CMSS1: variants seen among roughly 807,000 people sequenced by gnomAD.
CMSS1 encodes protein CMSS1.
Under a neutral mutation model 43.5 loss-of-function variants are expected in CMSS1, and 33 were observed. That is an observed-to-expected ratio of 0.76 (90% CI 0.57 to 1.01). The LOEUF (loss-of-function observed/expected upper bound fraction) is 1.01. Among genes scored for constraint, CMSS1 ranks in the 50% least tolerant of loss-of-function variants. The probability of loss-of-function intolerance (pLI) is 0.00; values close to 1 mark genes in which losing one functional copy is unlikely to be tolerated. For missense variants in CMSS1, 313 were observed against 326.4 expected, an observed-to-expected ratio of 0.96 and a Z score of 0.32; for synonymous variants, 115 against 117.2, an observed-to-expected ratio of 0.98 and a Z score of 0.12.
rs181243403 is a variant in CMSS1 at position 99,967,358 on chromosome 3, A to C, written c.64+149315A>C. Among the ~76,000 whole-genome samples, 47 of 152,348 alleles carry C rather than the reference A, an allele frequency of 3.1e-4. 1 individual carries two copies. The East Asian group carries it at 8.9e-3, about 29-fold the overall frequency. ...TTTCACAGAGAGCTCAAAGCACTTTACATGCATTGAGAGAGAAGCTTCTCG... is the reference window on the plus strand; with the variant it reads ...TTTCACAGAGAGCTCAAAGCACTTTCCATGCATTGAGAGAGAAGCTTCTCG... On this transcript the variant is annotated intron_variant, in intron 1 of 9. Transcript: ENST00000421999.
rs147694405 is a variant in CMSS1 at position 100,054,570 on chromosome 3, CT to C, written c.65-92402del. ...ATGTTATGTTGTTACCTACCTGCCCCTGTTGGCATTTGAACTATCCACTCCT... is the reference window on the plus strand; with the variant it reads ...ATGTTATGTTGTTACCTACCTGCCCCGTTGGCATTTGAACTATCCACTCCT... On this transcript the variant is annotated intron_variant, in intron 1 of 9. Transcript: ENST00000421999. 4.5e-3 allele frequency among the ~76,000 whole-genome samples: 679 copies of C among 151,850 alleles called. 7 individuals carry two copies. The highest frequency in any genetic ancestry group is 0.016 in the African/African-American group (665 of 41,418).
chr3:99,838,318 C>G (rs1942981394), intron 1 of CMSS1, among the ~76,000 whole-genome samples: 1 of 152,202 alleles, frequency 6.6e-6, no homozygotes, highest in South Asian at 2.1e-4. Flanking sequence ...CTAACAGTGG[C>G]TTCAGGGAAG....
At chr3:100,159,962 G>A (rs1352779539) in intron 2 of CMSS1, 1 of 456,042 alleles carries the variant, frequency 2.2e-6, no homozygotes, top group South Asian at 1.6e-5. Context: ...TTATTGAAAA[G>A]AGGAAAGGAA....
chr3:100,090,502 C>T (rs530963230), intron 1 of CMSS1, among the ~76,000 whole-genome samples: 10 of 152,264 alleles, frequency 6.6e-5, no homozygotes, highest in South Asian at 4.1e-4. Context: ...CAAAACCAGG[C>T]GACAGAGATG....
chr3:99,848,788 G>A lies in CMSS1; in HGVS notation c.64+30745G>A, dbSNP rs1385549805. 1.9e-6 allele frequency: 3 copies of A among 1,614,048 alleles called. No homozygotes were observed. The Admixed American group carries it at 5.0e-5, about 27-fold the overall frequency. On this transcript the variant is annotated intron_variant, in intron 1 of 9. Transcript: ENST00000421999. ...TTGTTCTAAATTCATGAGGTCTTCG[G>A]TAGAGGTTTTGGACTTTACTGGTGT...
At chr3:99,916,435 TATACAC>T (rs1447461120) in intron 1 of CMSS1, among the ~76,000 whole-genome samples, 11 of 120,210 alleles carry the variant, frequency 9.2e-5, no homozygotes, top group African/African-American at 3.5e-4. Context: ...AATAACGGTT[TATACAC>T]ACACACACAC....
intron 1 of CMSS1, chr3:99,930,850 G>A (rs1287104926): frequency 6.2e-7 from 1 of 1,612,922 alleles, no homozygotes; most frequent in Non-Finnish European, 8.5e-7. Context: ...CATTACCACT[G>A]TGTGGCTTCT....
At chr3:100,095,183 C>A (rs1204953189) in intron 1 of CMSS1, among the ~76,000 whole-genome samples, 1 of 152,162 alleles carries the variant, frequency 6.6e-6, no homozygotes, top group African/African-American at 2.4e-5. Context: ...CCCACTTTCT[C>A]TTCTTTTTCA....
intron 1 of CMSS1, among the ~76,000 whole-genome samples, chr3:99,877,331 A>G (rs781564743): frequency 5.9e-5 from 9 of 152,216 alleles, no homozygotes; most frequent in Non-Finnish European, 7.3e-5. Context: ...TCAAACAAGA[A>G]TGACGAAAAT....
intron 1 of CMSS1, among the ~76,000 whole-genome samples, chr3:100,049,653 G>T (rs1196034881): frequency 6.6e-5 from 10 of 152,146 alleles, no homozygotes; most frequent in African/African-American, 1.7e-4. Context: ...TCCTGAGACA[G>T]CAAGAGCAAC....
At chr3:100,152,854 A>G (rs1258730850) in intron 2 of CMSS1, among the ~76,000 whole-genome samples, 2 of 152,182 alleles carry the variant, frequency 1.3e-5, no homozygotes, top group Non-Finnish European at 2.9e-5. Flanking sequence ...TCTTTCTTCA[A>G]GCCCTCACCT....
chr3:99,986,751 C>T (rs760932263), intron 1 of CMSS1, among the ~76,000 whole-genome samples: 16 of 151,752 alleles, frequency 1.1e-4, no homozygotes, highest in Non-Finnish European at 1.6e-4. Context: ...TTGCCCCACC[C>T]CCAGGGGATG....
chr3:100,070,152 C>T (rs1485655839), intron 1 of CMSS1, among the ~76,000 whole-genome samples: 2 of 152,170 alleles, frequency 1.3e-5, no homozygotes, highest in Non-Finnish European at 2.9e-5. Flanking sequence ...GCTCTGTGCT[C>T]ATTCCTGTTA....
At chr3:99,989,466 C>T (rs1709448423) in intron 1 of CMSS1, among the ~76,000 whole-genome samples, 1 of 152,196 alleles carries the variant, frequency 6.6e-6, no homozygotes, top group South Asian at 2.1e-4. Context: ...CTACAGCACT[C>T]TGGATGTTTT....
intron 1 of CMSS1, among the ~76,000 whole-genome samples, chr3:99,969,655 C>T (rs746217468): frequency 4.6e-5 from 7 of 152,038 alleles, no homozygotes; most frequent in African/African-American, 7.3e-5. Context: ...GGCAAAGGCA[C>T]GGGGAGCCTG....
chr3:100,030,544 C>T (rs1203965407), intron 1 of CMSS1, among the ~76,000 whole-genome samples: 2 of 152,120 alleles, frequency 1.3e-5, no homozygotes, highest in Admixed American at 6.6e-5. Context: ...CCTGTTTTCC[C>T]GTTGAGAGCA....
chr3:100,006,413 A>G (rs1453851586), intron 1 of CMSS1, among the ~76,000 whole-genome samples: 1 of 152,064 alleles, frequency 6.6e-6, no homozygotes, highest in Non-Finnish European at 1.5e-5. Flanking sequence ...CCCCATAATT[A>G]TCATAACTAT....
At chr3:99,980,351 G>A (rs1709086272) in intron 1 of CMSS1, among the ~76,000 whole-genome samples, 1 of 152,128 alleles carries the variant, frequency 6.6e-6, no homozygotes. Flanking sequence ...TGCATTGGAT[G>A]TTTTGAAATT....
In CMSS1 at chr3:100,090,071, T is replaced by G. The variant is rs2066078086; in HGVS notation, c.65-56902T>G. Among the ~76,000 whole-genome samples, 3 of 152,226 alleles carry G rather than the reference T, an allele frequency of 2.0e-5. No individual in the cohort carries two copies. In the South Asian group the frequency reaches 6.2e-4, roughly 32 times the overall value. On this transcript the variant is annotated intron_variant, in intron 1 of 9. Coordinates refer to ENST00000421999, the MANE Select transcript of CMSS1 (RefSeq NM_032359.4). ...ACAGAAAACTTCACTGATGTTTATC[T>G]CAAAGCTCATTGCTTCACTGTCTGC... is the stretch of plus-strand genomic sequence containing the variant.
Sources: allele counts gnomAD v4.1 joint callset (sites outside exome capture counted in the v4.1 genomes callset), GRCh38; gene constraint gnomAD v4.1.1; transcripts MANE v1.5; gene names NCBI Gene and HGNC (gene_info 2026-07-23, HGNC 2026-07-21).